The following GABRB1 variants were observed in gnomAD, a reference collection of about 807,000 sequenced individuals.
GABRB1 encodes gamma-aminobutyric acid receptor subunit beta-1.
A neutral mutation model predicts 51.6 loss-of-function variants in GABRB1; 17 were observed. The observed-to-expected ratio is 0.33, with a 90% confidence interval of 0.23 to 0.49. The LOEUF (loss-of-function observed/expected upper bound fraction) is 0.49, where lower values mean the gene tolerates loss of function less well. GABRB1 is among the 20% of genes least tolerant of loss of function. The pLI is 0.99. For synonymous variants in GABRB1, 247 were observed against 218.9 expected, an observed-to-expected ratio of 1.13 and a Z score of -1.14; for missense variants, 410 against 600.6, an observed-to-expected ratio of 0.68 and a Z score of 3.32.
chr4:47,311,125 G>A (rs1724656036), intron 4 of GABRB1, among the ~76,000 whole-genome samples: 2 of 151,076 alleles, frequency 1.3e-5, no homozygotes, highest in Non-Finnish European at 2.9e-5. Flanking sequence ...AGGACGCGGT[G>A]GCTCACGCCT....
chr4:47,076,253 G>A (rs1727543369), intron 3 of GABRB1, among the ~76,000 whole-genome samples: 1 of 152,180 alleles, frequency 6.6e-6, no homozygotes. Flanking sequence ...TCAGCCCCTG[G>A]TGGAAATCTT....
At chr4:47,251,648 A>AT (rs1721992348) in intron 4 of GABRB1, among the ~76,000 whole-genome samples, 1 of 152,060 alleles carries the variant, frequency 6.6e-6, no homozygotes, top group African/African-American at 2.4e-5. Flanking sequence ...GTGGGTGTCA[A>AT]TTTAGAGAGC....
At chr4:47,260,956 T>A (rs1190457684) in intron 4 of GABRB1, among the ~76,000 whole-genome samples, 1 of 152,148 alleles carries the variant, frequency 6.6e-6, no homozygotes, top group African/African-American at 2.4e-5. Context: ...AACCACATGA[T>A]TATCTCAATA....
chr4:47,095,434 T>C (rs1276893137), intron 3 of GABRB1, among the ~76,000 whole-genome samples: 1 of 152,150 alleles, frequency 6.6e-6, no homozygotes, highest in Non-Finnish European at 1.5e-5. Context: ...AAATAATGGC[T>C]ACGTCTGCGA....
intron 4 of GABRB1, among the ~76,000 whole-genome samples, chr4:47,174,552 G>A (rs1447098031): frequency 1.3e-5 from 2 of 151,994 alleles, no homozygotes; most frequent in African/African-American, 4.8e-5. Flanking sequence ...TTGTTTCACA[G>A]GTATTAGTCT....
chr4:47,117,079 G>A (rs188393609), intron 3 of GABRB1, among the ~76,000 whole-genome samples: 338 of 152,208 alleles, frequency 2.2e-3, no homozygotes, highest in Non-Finnish European at 4.1e-3. Context: ...GAGATTTGGT[G>A]GGGACATACA....
chr4:47,400,206 A>C (rs957654775), intron 5 of GABRB1, among the ~76,000 whole-genome samples: 4 of 152,244 alleles, frequency 2.6e-5, no homozygotes, highest in Non-Finnish European at 5.9e-5. Flanking sequence ...ATTTAAAAAA[A>C]AACCATTGAG....
intron 3 of GABRB1, among the ~76,000 whole-genome samples, chr4:47,099,905 G>GA (rs1419923778): frequency 6.6e-6 from 1 of 151,672 alleles, no homozygotes; most frequent in Non-Finnish European, 1.5e-5. Flanking sequence ...AGTGATTACA[G>GA]AAAAAGCATT....
chr4:47,333,943 G>T (rs1478333320), intron 5 of GABRB1, among the ~76,000 whole-genome samples: 1 of 152,122 alleles, frequency 6.6e-6, no homozygotes, highest in Non-Finnish European at 1.5e-5. Flanking sequence ...GTATTCCCAG[G>T]ATTTAGATTA....
intron 5 of GABRB1, among the ~76,000 whole-genome samples, chr4:47,380,355 C>T (rs1024758807): frequency 3.3e-5 from 5 of 152,076 alleles, no homozygotes; most frequent in South Asian, 2.1e-4. Flanking sequence ...CAAAGAATTC[C>T]CAGGAGCACT....
intron 3 of GABRB1, among the ~76,000 whole-genome samples, chr4:47,078,195 G>C (rs1006743909): frequency 1.3e-5 from 2 of 151,262 alleles, no homozygotes; most frequent in Non-Finnish European, 1.5e-5. Context: ...CTCCCTGTTG[G>C]TCAGGCTGGT....
chr4:47,051,100 T>C (rs1577861276), intron 3 of GABRB1, among the ~76,000 whole-genome samples: 2 of 152,032 alleles, frequency 1.3e-5, no homozygotes, highest in African/African-American at 4.8e-5. Flanking sequence ...TTTATGTCAG[T>C]AGGAAAATAA....
At chr4:47,301,272 T>C (rs542776069) in intron 4 of GABRB1, among the ~76,000 whole-genome samples, 1 of 152,244 alleles carries the variant, frequency 6.6e-6, no homozygotes, top group East Asian at 1.9e-4. Flanking sequence ...GTAGATTACC[T>C]CCAAAATGGT....
At chr4:47,400,286 G>A (rs1020724363) in intron 5 of GABRB1, among the ~76,000 whole-genome samples, 1 of 152,186 alleles carries the variant, frequency 6.6e-6, no homozygotes, top group Admixed American at 6.5e-5. Context: ...TACCAAGAGT[G>A]AGGAATGAAG....
chr4:47,192,597 A>G (rs2061458989), intron 4 of GABRB1, among the ~76,000 whole-genome samples: 1 of 152,314 alleles, frequency 6.6e-6, no homozygotes, highest in East Asian at 1.9e-4. Flanking sequence ...ATTTATAAAT[A>G]AATGTGTTAA....
chr4:47,339,853 A>ACC (rs1725822155), intron 5 of GABRB1, among the ~76,000 whole-genome samples: 1 of 151,246 alleles, frequency 6.6e-6, no homozygotes, highest in Non-Finnish European at 1.5e-5. Context: ...ACACACACAC[A>ACC]CACCCCACTT....
chr4:46,994,742 T>C (rs1003215497), intron 1 of GABRB1, among the ~76,000 whole-genome samples: 1 of 152,164 alleles, frequency 6.6e-6, no homozygotes, highest in African/African-American at 2.4e-5. Flanking sequence ...TAATGATGCA[T>C]GTGGAAATTT....
intron 4 of GABRB1, among the ~76,000 whole-genome samples, chr4:47,186,727 T>C (rs746531886): frequency 5.3e-5 from 8 of 151,896 alleles, no homozygotes; most frequent in African/African-American, 7.2e-5. Flanking sequence ...AATAGCATCT[T>C]CAACTAAAGA....
chr4:47,291,376 C>T (rs985698829), intron 4 of GABRB1, among the ~76,000 whole-genome samples: 3 of 152,150 alleles, frequency 2.0e-5, no homozygotes, highest in African/African-American at 4.8e-5. Context: ...AGGGTTGAGG[C>T]CTTCATGGAG....
Sources: gnomAD v4.1 joint callset for allele counts (sites outside exome capture counted in the v4.1 genomes callset) on GRCh38, gnomAD v4.1.1 for gene constraint, MANE v1.5 for transcripts, NCBI Gene and HGNC (gene_info 2026-07-23, HGNC 2026-07-21) for gene names.